KANSL1L: variants seen among roughly 807,000 people sequenced by gnomAD.
The protein encoded by KANSL1L is KAT8 regulatory NSL complex subunit 1-like protein.
Under a neutral mutation model 108.6 loss-of-function variants are expected in KANSL1L, and 25 were observed. The observed-to-expected ratio is 0.23, with a 90% CI of 0.17 to 0.32. The LOEUF is 0.32. Ranked by LOEUF, KANSL1L falls within the 10% of genes least tolerant of loss-of-function variation. The pLI, the probability that KANSL1L is intolerant of heterozygous loss-of-function variation, is 1.00. For missense variants in KANSL1L, 1,137 were observed against 1,125.7 expected (o/e 1.01, Z -0.14); for synonymous variants, 405 against 395.1 (o/e 1.03, Z -0.30).
chr2:210,041,365 A>C (rs2094162108), intron 7 of KANSL1L, among the ~76,000 whole-genome samples: 1 of 152,192 alleles, frequency 6.6e-6, no homozygotes, highest in African/African-American at 2.4e-5. Context: ...CTACTGAAAG[A>C]AGGTACTTTA....
At chr2:210,106,952 C>T (rs2094852915) in intron 3 of KANSL1L, among the ~76,000 whole-genome samples, 1 of 151,938 alleles carries the variant, frequency 6.6e-6, no homozygotes, top group South Asian at 2.1e-4. Context: ...CCTCTGGGGA[C>T]ACAGCAGAGA....
Position 210,153,570 on chromosome 2 carries a change from C to T in KANSL1L, c.1013G>A (p.Gly338Asp). 3 of 1,614,050 alleles carry T rather than the reference C, an allele frequency of 1.9e-6. No individual in the cohort carries two copies. The highest frequency in any genetic ancestry group is 2.5e-6 in the Non-Finnish European group (3 of 1,179,984). ...ATGLLSHVEE[G>D]LDSDATDSSS... ...GCTATCAGTTGCATCGGAATCCAAA[C>T]CCTCTTCAACATGAGACAACAGCCC... The change falls in exon 2 of 15, where the codon GGT (glycine) becomes GAT (aspartate). Residue 338 changes from glycine (G) to aspartate (D), a missense_variant. Gly to Asp is a moderately conservative substitution (Grantham distance 94). This residue lies in a region of KANSL1L where 556 missense variants were observed against 537.7 expected (regional missense o/e 1.03). Transcript: ENST00000281772.
intron 3 of KANSL1L, among the ~76,000 whole-genome samples, chr2:210,118,359 T>G (rs2094977394): frequency 6.7e-6 from 1 of 149,084 alleles, no homozygotes; most frequent in Non-Finnish European, 1.5e-5. Flanking sequence ...TCCCAGCTAC[T>G]CGGGAGGCTG....
chr2:210,100,805 T>A (rs2094786489), intron 4 of KANSL1L, among the ~76,000 whole-genome samples: 1 of 152,100 alleles, frequency 6.6e-6, no homozygotes, highest in African/African-American at 2.4e-5. Context: ...GGCCAGCTAC[T>A]TTTTGTATTT....
chr2:210,083,687 G>C lies in KANSL1L; in HGVS notation c.1551-7931C>G, dbSNP rs370150912. ...ACTAAACATACAAAAAAATTAGCCG[G>C]GCGAGGTGGTGGGCATCTGTAGTCC... On this transcript the variant is annotated intron_variant, in intron 5 of 14. Coordinates refer to ENST00000281772, the MANE Select transcript of KANSL1L (RefSeq NM_152519.4). 9.2e-4 allele frequency among the ~76,000 whole-genome samples: 139 copies of C among 151,664 alleles called. 3 individuals are homozygous for C. In the South Asian group the frequency reaches 0.019, roughly 21 times the overall value.
intron 8 of KANSL1L, among the ~76,000 whole-genome samples, chr2:210,039,051 C>T (rs938742074): frequency 6.6e-6 from 1 of 151,822 alleles, no homozygotes; most frequent in Non-Finnish European, 1.5e-5. Flanking sequence ...CTCCCTTGAT[C>T]TGCCTTCTAT....
At chr2:210,169,003 A>T (rs571732908) in intron 1 of KANSL1L, among the ~76,000 whole-genome samples, 9 of 152,296 alleles carry the variant, frequency 5.9e-5, no homozygotes, top group African/African-American at 1.9e-4. Context: ...GAAAAAATTT[A>T]AAATGCAAAT....
intron 1 of KANSL1L, among the ~76,000 whole-genome samples, chr2:210,157,076 G>C (rs1217540595): frequency 1.3e-5 from 2 of 151,890 alleles, no homozygotes; most frequent in African/African-American, 2.4e-5. Context: ...CTAGCATTAG[G>C]AAATTTCTTC....
intron 5 of KANSL1L, chr2:210,079,676 A>ATATATATATATATATGTATGTGTG (rs1559539905): frequency 4.8e-5 from 1 of 20,684 alleles, no homozygotes; most frequent in African/African-American, 2.7e-4. Context: ...GTATGTGTGT[A>ATATATATATATATATGTATGTGTG]TATATATATA....
At chr2:210,120,200 G>C (rs1559575018) in intron 3 of KANSL1L, among the ~76,000 whole-genome samples, 1 of 151,990 alleles carries the variant, frequency 6.6e-6, no homozygotes, top group African/African-American at 2.4e-5. Context: ...GACCAGCCTG[G>C]GCAACACAGT....
chr2:210,099,259 CT>C (rs1217749166), intron 4 of KANSL1L, among the ~76,000 whole-genome samples: 2 of 152,158 alleles, frequency 1.3e-5, no homozygotes, highest in East Asian at 3.9e-4. Context: ...GTGTGACCAA[CT>C]TTTTAAAAAA....
chr2:210,165,159 T>A (rs1687862321), intron 1 of KANSL1L, among the ~76,000 whole-genome samples: 1 of 150,894 alleles, frequency 6.6e-6, no homozygotes, highest in African/African-American at 2.4e-5. Context: ...AATTTTCAAC[T>A]TACATTCCAA....
chr2:210,029,790 T>C lies in KANSL1L; in HGVS notation c.2271+13A>G, dbSNP rs374460662. The C allele has an allele frequency of 2.1e-5, 28 of 1,352,630 alleles. No homozygotes were observed. Among genetic ancestry groups the C allele is most frequent in the African/African-American group, 7.3e-5 (5 of 68,918 alleles). The allele number at this position is 1,352,630 out of a possible 1,614,324, so 83.8% of individuals were successfully genotyped here. A position where few individuals can be genotyped will look rare whatever the true frequency, so the allele number is the denominator to read the frequency against. On this transcript the variant is annotated intron_variant, in intron 10 of 14. Coordinates refer to ENST00000281772, the MANE Select transcript of KANSL1L (RefSeq NM_152519.4). ...TAAAGCTATTTTAGAGTTCAACATA[T>C]GGAAAAACCTACTCGTGATGAATTC... is the stretch of plus-strand genomic sequence containing the variant.
rs1317753119 is a variant in KANSL1L, at chr2:210,022,066, T to A, written c.*883A>T. ...TACTGTTTGTGGCTCATTTTAAAAC[T>A]GGTGTCTTCTCTTCATGAGACACAT... On this transcript the variant is annotated 3_prime_UTR_variant, in exon 15 of 15. Transcript: ENST00000281772. 2 of 151,520 alleles carry A rather than the reference T, an allele frequency of 1.3e-5. No individual in the cohort carries two copies. The highest frequency in any genetic ancestry group is 4.8e-5 in the African/African-American group (2 of 41,254). The allele number at this position is 151,520 out of a possible 1,614,324, so 9.4% of individuals were successfully genotyped here. A position where few individuals can be genotyped will look rare whatever the true frequency, so the allele number is the denominator to read the frequency against.
intron 1 of KANSL1L, chr2:210,170,384 G>C (rs1404717122): frequency 3.0e-6 from 3 of 985,412 alleles, no homozygotes; most frequent in Non-Finnish European, 3.6e-6. Context: ...CCCAGAGTAA[G>C]AAAACATTAC....
At chr2:210,042,068 G>T (rs2094169981) in intron 7 of KANSL1L, among the ~76,000 whole-genome samples, 1 of 152,098 alleles carries the variant, frequency 6.6e-6, no homozygotes, top group Non-Finnish European at 1.5e-5. Context: ...TTATACTTAT[G>T]AGGAGAGTAT....
intron 1 of KANSL1L, among the ~76,000 whole-genome samples, chr2:210,163,827 G>A (rs1051751308): frequency 6.6e-6 from 1 of 152,004 alleles, no homozygotes; most frequent in Non-Finnish European, 1.5e-5. Flanking sequence ...GCTACATGAA[G>A]GCAGGTGTTA....
chr2:210,025,510 G>A (rs561162492), intron 12 of KANSL1L, among the ~76,000 whole-genome samples: 154 of 152,264 alleles, frequency 1.0e-3, no homozygotes, highest in Middle Eastern at 3.4e-3. Flanking sequence ...AGCCAAGATC[G>A]TGCCACTGCA....
intron 5 of KANSL1L, chr2:210,097,124 T>C (rs1575522754): frequency 2.9e-6 from 1 of 344,566 alleles, no homozygotes; most frequent in South Asian, 1.2e-4. Flanking sequence ...TTTGTATTTT[T>C]AGTAGAGACG....
Sources: gnomAD v4.1 joint callset for allele counts (sites outside exome capture counted in the v4.1 genomes callset) on GRCh38, gnomAD v4.1.1 for gene constraint, gnomAD v4.1.1 regional missense constraint, MANE v1.5 for transcripts, NCBI Gene and HGNC (gene_info 2026-07-23, HGNC 2026-07-21) for gene names.